The following SUMF1 variants were observed in gnomAD, a reference collection of about 807,000 sequenced individuals.
SUMF1 encodes the protein sulfatase modifying factor 1.
In SUMF1, 48 loss-of-function variants were observed where a neutral mutation model predicts 47.6. That is an observed-to-expected ratio of 1.01 (90% CI 0.80 to 1.28). The LOEUF (loss-of-function observed/expected upper bound fraction) is 1.28. Among genes scored for constraint, SUMF1 ranks in the 50% most tolerant of loss-of-function variants. The probability of loss-of-function intolerance (pLI) is 0.00; values close to 1 mark genes in which losing one functional copy is unlikely to be tolerated. For synonymous variants in SUMF1, 230 were observed against 192.1 expected, an observed-to-expected ratio of 1.20 and a Z score of -1.63; for missense variants, 571 against 485.4, an observed-to-expected ratio of 1.18 and a Z score of -1.66.
intron 8 of SUMF1, among the ~76,000 whole-genome samples, chr3:4,345,409 C>T (rs1299788460): frequency 6.6e-6 from 1 of 152,146 alleles, no homozygotes; most frequent in African/African-American, 2.4e-5. Context: ...AATTTTCAAC[C>T]CAGAATCTCA....
chr3:4,325,485 G>T lies in SUMF1; in HGVS notation c.1014+50845C>A, dbSNP rs570304864. On this transcript the variant is annotated intron_variant and NMD_transcript_variant, in intron 8 of 12. Transcript: ENST00000448413. ...CCAATTCAGCCTGTACTACTGAGAA[G>T]TCCATACATCAGTGGCAGGCACGAA... Among the ~76,000 whole-genome samples the T allele has an allele frequency of 3.9e-5, 6 of 152,206 alleles. No homozygotes were observed. The South Asian group carries it at 1.0e-3, about 26-fold the overall frequency.
At chr3:4,095,030 T>G (rs1056867138) in intron 8 of SUMF1, among the ~76,000 whole-genome samples, 6 of 152,084 alleles carry the variant, frequency 3.9e-5, no homozygotes, top group African/African-American at 1.4e-4. Context: ...GAATATTGAA[T>G]GAAGTATTGA....
chr3:4,169,911 G>A (rs1232446521), intron 8 of SUMF1, among the ~76,000 whole-genome samples: 1 of 152,154 alleles, frequency 6.6e-6, no homozygotes, highest in Non-Finnish European at 1.5e-5. Context: ...TTTTCCTTGA[G>A]AGGTTTTTAA....
At chr3:4,303,370 AATGTTC>A in intron 8 of SUMF1, 1 of 1,546,666 alleles carries the variant, frequency 6.5e-7, no homozygotes, top group African/African-American at 1.4e-5. Context: ...GAGGCGGGTA[AATGTTC>A]GCGGAAGCGG....
chr3:4,456,717 C>CGTGTGTGT (rs1559312316), intron 1 of SUMF1, among the ~76,000 whole-genome samples: 1 of 87,936 alleles, frequency 1.1e-5, no homozygotes, highest in African/African-American at 4.8e-5. Context: ...TATATATATA[C>CGTGTGTGT]ATATATATAC....
chr3:4,078,893 G>A (rs1225429934), intron 8 of SUMF1, among the ~76,000 whole-genome samples: 2 of 152,134 alleles, frequency 1.3e-5, no homozygotes, highest in Non-Finnish European at 2.9e-5. Flanking sequence ...AACAGAGCCA[G>A]GTAGTGTGGA....
chr3:4,046,892 C>T (rs1087817), intron 9 of SUMF1, among the ~76,000 whole-genome samples: 33,791 of 151,672 alleles, frequency 0.22, 6,349 homozygotes, highest in African/African-American at 0.52. Context: ...AGGAGGCTTC[C>T]CTTCCTTCGT....
chr3:4,062,330 C>T (rs1283725994), intron 9 of SUMF1, among the ~76,000 whole-genome samples: 2 of 152,160 alleles, frequency 1.3e-5, no homozygotes, highest in East Asian at 1.9e-4. Context: ...TTATGTGCAA[C>T]ATCAGAATGA....
At chr3:4,213,172 G>C (rs1010638408) in intron 8 of SUMF1, among the ~76,000 whole-genome samples, 1 of 152,088 alleles carries the variant, frequency 6.6e-6, no homozygotes, top group Non-Finnish European at 1.5e-5. Flanking sequence ...GAAAGGTCGG[G>C]TTACACACAA....
chr3:4,233,075 T>C (rs550949182), intron 8 of SUMF1, among the ~76,000 whole-genome samples: 1 of 152,234 alleles, frequency 6.6e-6, no homozygotes, highest in African/African-American at 2.4e-5. Flanking sequence ...AGCCAGGTTT[T>C]CAATAGTGAA....
chr3:4,214,596 C>CA (rs1197378548), intron 8 of SUMF1, among the ~76,000 whole-genome samples: 15 of 151,982 alleles, frequency 9.9e-5, no homozygotes, highest in African/African-American at 3.1e-4. Context: ...AAAAACCCTT[C>CA]AAAAAATCAA....
chr3:4,199,729 T>C (rs922985275), intron 8 of SUMF1, among the ~76,000 whole-genome samples: 5 of 152,154 alleles, frequency 3.3e-5, no homozygotes, highest in African/African-American at 1.2e-4. Flanking sequence ...ACTAACAATG[T>C]TGAACATTGT....
intron 8 of SUMF1, among the ~76,000 whole-genome samples, chr3:4,319,461 A>G (rs534577191): frequency 6.6e-6 from 1 of 152,284 alleles, no homozygotes; most frequent in African/African-American, 2.4e-5. Context: ...AGCAATTATG[A>G]TGAATGAGGG....
intron 8 of SUMF1, among the ~76,000 whole-genome samples, chr3:4,073,103 C>T (rs1692320779): frequency 6.6e-6 from 1 of 152,166 alleles, no homozygotes; most frequent in Non-Finnish European, 1.5e-5. Flanking sequence ...GGGTTACCCA[C>T]AAAGGGCAGC....
At position 4,382,798 on chromosome 3, in the gene SUMF1, T is replaced by A. The variant is rs189900861; in HGVS notation, c.955-6409A>T. The stretch of plus-strand genomic sequence containing the variant: ...ACATGGATGAAGCTGGAAACCATCA[T>A]TCTCAACAAACTAACAATAGAACAG... On this transcript the variant is annotated intron_variant, in intron 7 of 8. Transcript: ENST00000272902. Among the ~76,000 whole-genome samples, 9 of 127,986 alleles carry A rather than the reference T, an allele frequency of 7.0e-5. No individual in the cohort carries two copies. In the East Asian group the frequency reaches 1.7e-3, roughly 25 times the overall value. 84.0% of individuals were successfully genotyped at this position (127,986 alleles called of 152,430 possible).
At chr3:4,367,419 T>C (rs1264533110) in intron 8 of SUMF1, among the ~76,000 whole-genome samples, 3 of 152,188 alleles carry the variant, frequency 2.0e-5, no homozygotes, top group Non-Finnish European at 4.4e-5. Flanking sequence ...CCCAAGGTAA[T>C]TTATAGATTC....
chr3:4,342,396 G>C (rs1167049300), intron 8 of SUMF1, among the ~76,000 whole-genome samples: 1 of 152,196 alleles, frequency 6.6e-6, no homozygotes, highest in Admixed American at 6.5e-5. Context: ...AGCTAGATGT[G>C]ATGGCACATG....
rs751623288 is a variant in SUMF1 at position 4,410,889 on chromosome 3, A to G, written c.930T>C (p.His310=). The G allele has an allele frequency of 6.2e-7, 1 of 1,614,060 alleles. No individual in the cohort carries two copies. The highest frequency in any genetic ancestry group is 8.5e-7 in the Non-Finnish European group (1 of 1,179,894). ...CTGGGTTAAGCGTTTCTTCAACAGA[A>G]TGATGAACAGTCCACCAGTCTGAAG... is the stretch of plus-strand genomic sequence containing the variant. ...EWTSDWWTVH[H]SVEETLNPKG... is the part of the protein sequence containing the mutation. Residue 310 remains histidine, a synonymous_variant, in exon 7 of 9, where the codon CAT becomes CAC. Coordinates refer to ENST00000272902, the MANE Select transcript of SUMF1 (RefSeq NM_182760.4).
intron 9 of SUMF1, among the ~76,000 whole-genome samples, chr3:4,065,527 T>C (rs78964960): frequency 6.6e-6 from 1 of 152,136 alleles, no homozygotes; most frequent in South Asian, 2.1e-4. Flanking sequence ...CTACTATAAC[T>C]CTATCTTGCA....
Sources: allele counts gnomAD v4.1 joint callset (sites outside exome capture counted in the v4.1 genomes callset), GRCh38; gene constraint gnomAD v4.1.1; transcripts MANE v1.5; gene names NCBI Gene and HGNC (gene_info 2026-07-23, HGNC 2026-07-21).